NHS: variants seen among roughly 807,000 people sequenced by gnomAD.
NHS encodes the protein NHS actin remodeling regulator.
NHS carries 5 observed loss-of-function variants against 72.5 expected under a neutral mutation model. The ratio of observed to expected loss-of-function variants is 0.07; its 90% CI spans 0.04 to 0.14. The LOEUF (loss-of-function observed/expected upper bound fraction) is 0.14, where lower values mean the gene tolerates loss of function less well. Among genes scored for constraint, NHS ranks in the 10% least tolerant of loss-of-function variants. The pLI, the probability that NHS is intolerant of heterozygous loss-of-function variation, is 1.00. For synonymous variants in NHS, 464 were observed against 547.7 expected, an observed-to-expected ratio of 0.85 and a Z score of 2.13; for missense variants, 1,072 against 1,355.7, an observed-to-expected ratio of 0.79 and a Z score of 3.29.
At chrX:17,454,822 C>T (rs2064819558) in intron 1 of NHS, among the ~76,000 whole-genome samples, 1 of 112,150 alleles carries the variant, frequency 8.9e-6, no homozygotes, top group African/African-American at 3.2e-5. Flanking sequence ...TCAATTTCTT[C>T]TTGCTGTCTT....
intron 1 of NHS, among the ~76,000 whole-genome samples, chrX:17,423,941 C>G: frequency 8.9e-6 from 1 of 112,465 alleles, no homozygotes; most frequent in Non-Finnish European, 1.9e-5. Context: ...TGGATCAGCA[C>G]AGAACAAAGA....
Position 17,692,233 on chromosome X carries a change from CTT to C in NHS, c.719-89_719-88del, listed in dbSNP as rs11347866. The stretch of plus-strand genomic sequence containing the variant: ...AATTAGCTAAAGTAATGAAAACTCA[CTT>C]TTTTTTTTTTTTACAGCCTTTTGCT... On this transcript the variant is annotated intron_variant, in intron 2 of 8. Transcript: ENST00000676302. The C allele has an allele frequency of 0.025, 21,627 of 855,487 alleles. 537 individuals carry two copies. Among genetic ancestry groups the C allele is most frequent in the African/African-American group, 0.19 (8,521 of 45,065 alleles). The allele number at this position is 855,487 out of a possible 1,213,427, so 70.5% of individuals were successfully genotyped here.
At chrX:17,427,968 A>G (rs2064666021) in intron 1 of NHS, among the ~76,000 whole-genome samples, 1 of 111,986 alleles carries the variant, frequency 8.9e-6, no homozygotes, top group South Asian at 3.8e-4. Context: ...AGAAATGCAG[A>G]ATCTTGGGTC....
Position 17,474,486 on chromosome X carries a change from T to G in NHS, c.565+98164T>G, listed in dbSNP as rs1207590378. Among the ~76,000 whole-genome samples the G allele has an allele frequency of 3.6e-5, 4 of 111,571 alleles. No individual in the cohort carries two copies. The Admixed American group carries it at 3.8e-4, about 11-fold the overall frequency. Reference sequence around the variant, plus strand: ...GGAGACCCGTGCACAGGAAAGCTACTGGGGAGTGCCAGTGGAATCAACACC... The same window carrying G: ...GGAGACCCGTGCACAGGAAAGCTACGGGGGAGTGCCAGTGGAATCAACACC... On this transcript the variant is annotated intron_variant, in intron 1 of 8. Coordinates refer to ENST00000676302, the MANE Select transcript of NHS (RefSeq NM_001291867.2).
intron 1 of NHS, among the ~76,000 whole-genome samples, chrX:17,479,480 A>G (rs1238058294): frequency 3.6e-5 from 4 of 112,388 alleles, no homozygotes. Context: ...AATCACCACA[A>G]TGTCTTCCAC....
intron 1 of NHS, among the ~76,000 whole-genome samples, chrX:17,601,689 T>C (rs1368522548): frequency 4.5e-5 from 5 of 111,877 alleles, no homozygotes; most frequent in Admixed American, 2.8e-4. Flanking sequence ...AGCAGTCTCA[T>C]GTAGATTTTT....
chrX:17,577,630 C>T (rs773213882), intron 1 of NHS, among the ~76,000 whole-genome samples: 1 of 111,561 alleles, frequency 9.0e-6, no homozygotes, highest in East Asian at 2.8e-4. Context: ...ATTTTTCATA[C>T]TAATAGAAGG....
At chrX:17,415,498 T>C (rs563721060) in intron 1 of NHS, among the ~76,000 whole-genome samples, 48 of 111,414 alleles carry the variant, frequency 4.3e-4, no homozygotes, top group East Asian at 2.6e-3. Context: ...AATTCAAGCA[T>C]AATTGCTCGG....
chrX:17,508,652 A>G (rs1569269417), intron 1 of NHS, among the ~76,000 whole-genome samples: 1 of 110,767 alleles, frequency 9.0e-6, no homozygotes, highest in East Asian at 2.8e-4. Flanking sequence ...TTGTGTTTTT[A>G]GTAGACGGGG....
intron 3 of NHS, among the ~76,000 whole-genome samples, chrX:17,708,924 C>T (rs941233110): frequency 1.3e-4 from 14 of 111,016 alleles, no homozygotes; most frequent in African/African-American, 4.6e-4. Context: ...GGGTTTTGGG[C>T]ACAAAAATAA....
chrX:17,602,953 G>T (rs181241130), intron 1 of NHS, among the ~76,000 whole-genome samples: 72 of 107,195 alleles, frequency 6.7e-4, no homozygotes, highest in African/African-American at 2.2e-3. Context: ...TGATCCTCCT[G>T]CCTCAGCCTC....
At chrX:17,562,592 G>T (rs2065421342) in intron 1 of NHS, among the ~76,000 whole-genome samples, 1 of 111,280 alleles carries the variant, frequency 9.0e-6, no homozygotes, top group Non-Finnish European at 1.9e-5. Flanking sequence ...AAAGGGGTGG[G>T]TATGTAGATT....
intron 1 of NHS, among the ~76,000 whole-genome samples, chrX:17,377,450 G>T (rs1369571242): frequency 8.8e-6 from 1 of 113,295 alleles, no homozygotes; most frequent in Non-Finnish European, 1.9e-5. Context: ...TGCGACGCTC[G>T]CGGCGAAGGT....
intron 1 of NHS, among the ~76,000 whole-genome samples, chrX:17,644,594 A>G (rs902693029): frequency 1.3e-4 from 14 of 111,064 alleles, no homozygotes; most frequent in Admixed American, 5.8e-4. Flanking sequence ...CTTCCAAGGG[A>G]AGAGGGTGAA....
At chrX:17,581,729 C>T (rs904918320) in intron 1 of NHS, among the ~76,000 whole-genome samples, 9 of 111,214 alleles carry the variant, frequency 8.1e-5, no homozygotes, top group Non-Finnish European at 1.1e-4. Context: ...TTCCTGCTTT[C>T]TAGGGCTGCC....
intron 1 of NHS, among the ~76,000 whole-genome samples, chrX:17,591,665 G>A (rs942616763): frequency 5.4e-5 from 6 of 111,475 alleles, no homozygotes; most frequent in Admixed American, 2.9e-4. Context: ...GGATCACACT[G>A]CTTGCCCCAC....
intron 1 of NHS, among the ~76,000 whole-genome samples, chrX:17,577,504 C>G (rs1430731068): frequency 9.0e-6 from 1 of 111,441 alleles, no homozygotes; most frequent in Non-Finnish European, 1.9e-5. Flanking sequence ...ATGTCTTACA[C>G]CAGGCTTAGA....
intron 1 of NHS, among the ~76,000 whole-genome samples, chrX:17,432,742 T>A (rs2146876601): frequency 9.1e-6 from 1 of 110,272 alleles, no homozygotes; most frequent in Non-Finnish European, 1.9e-5. Flanking sequence ...AATTGCTAGG[T>A]GTTTTTTTTT....
chrX:17,731,888 T>C lies in NHS; in HGVS notation c.4380T>C (p.Asp1460=), dbSNP rs141490109. The C allele has an allele frequency of 7.2e-5, 87 of 1,201,063 alleles. No individual in the cohort carries two copies. Among genetic ancestry groups the C allele is most frequent in the Non-Finnish European group, 9.0e-5 (80 of 890,127 alleles). Residue 1460 remains aspartate, a synonymous_variant, in exon 9 of 9, where the codon GAT becomes GAC. Coordinates refer to ENST00000676302, the MANE Select transcript of NHS (RefSeq NM_001291867.2). ...AGAGGAAAGTACTTGGAAGAAAAGA[T>C]TCCGGGGACATGTCTGTTCGAAGCA... The part of the protein sequence containing the change: ...RSKRKVLGRK[D]SGDMSVRSKS...
Sources: allele counts gnomAD v4.1 joint callset (sites outside exome capture counted in the v4.1 genomes callset), GRCh38; gene constraint gnomAD v4.1.1; transcripts MANE v1.5; gene names NCBI Gene and HGNC (gene_info 2026-07-23, HGNC 2026-07-21).